The following COLQ variants were observed in gnomAD, a reference collection of about 807,000 sequenced individuals.
COLQ encodes collagen like tail subunit of asymmetric acetylcholinesterase.
In COLQ, 48 loss-of-function variants were observed where a neutral mutation model predicts 69.0. That is an observed-to-expected ratio of 0.70 (90% CI 0.55 to 0.88). The LOEUF (loss-of-function observed/expected upper bound fraction) is 0.88, where lower values mean the gene tolerates loss of function less well. Ranked by LOEUF, COLQ falls within the 40% of genes least tolerant of loss-of-function variation. The pLI is 0.00. For synonymous variants in COLQ, 217 were observed against 211.2 expected (o/e 1.03, Z -0.24); for missense variants, 618 against 594.6 (o/e 1.04, Z -0.41).
intron 3 of COLQ, 128 bp from the exon 4 acceptor site, chr3:15,479,510 AC>A: frequency 1.1e-6 from 1 of 901,156 alleles, no homozygotes. Context: ...GGCTCCAGGG[AC>A]CCATGGAGGC....
chr3:15,487,095 A>G (rs752110107), intron 3 of COLQ, among the ~76,000 whole-genome samples: 1 of 152,246 alleles, frequency 6.6e-6, no homozygotes, highest in African/African-American at 2.4e-5. Context: ...AAACTGTAAC[A>G]GGATGAAAAA....
intron 1 of COLQ, among the ~76,000 whole-genome samples, chr3:15,518,445 G>A (rs146906329): frequency 6.6e-6 from 1 of 152,286 alleles, no homozygotes; most frequent in Non-Finnish European, 1.5e-5. Flanking sequence ...GAGTTAATAG[G>A]CTTAGAATAA....
chr3:15,463,039 C>T (rs568202198), intron 12 of COLQ, among the ~76,000 whole-genome samples: 22 of 152,038 alleles, frequency 1.4e-4, no homozygotes, highest in Non-Finnish European at 1.2e-4. Context: ...TATGACTCTG[C>T]GGGGCCTGCT....
chr3:15,474,015 T>G lies in COLQ; in HGVS notation c.621A>C (p.Gly207=), dbSNP rs138830715. The G allele has an allele frequency of 2.0e-5, 32 of 1,614,002 alleles. No homozygotes were observed. The African/African-American group carries it at 3.1e-4, about 15-fold the overall frequency. The change falls in exon 10 of 17, where the codon GGA becomes GGC. Residue 207 remains glycine (G), a synonymous_variant. Transcript: ENST00000383788. The part of the protein sequence containing the change: ...KGEKGFPGFP[G]MLGQKGEMGP... ...GGTTACTTACTTTCTGCCCCAACAT[T>G]CCAGGAAATCCTGGGAAACCCTGTG...
chr3:15,470,742 G>A (rs2062269760), intron 10 of COLQ, 126 bp from the exon 11 acceptor site: 2 of 881,934 alleles, frequency 2.3e-6, no homozygotes, highest in Non-Finnish European at 1.9e-6. Flanking sequence ...ATGCCAACTG[G>A]GCTGCCCTGC....
chr3:15,480,345 C>T (rs1170556565), intron 3 of COLQ, among the ~76,000 whole-genome samples: 6 of 151,734 alleles, frequency 4.0e-5, no homozygotes, highest in African/African-American at 7.3e-5. Context: ...CCCCACCCCA[C>T]GACAGGCCCT....
chr3:15,461,819 G>A (rs1242424341), intron 12 of COLQ, among the ~76,000 whole-genome samples: 1 of 151,870 alleles, frequency 6.6e-6, no homozygotes, highest in Admixed American at 6.6e-5. Flanking sequence ...CTGGGACAGG[G>A]GTTCTGGAAC....
chr3:15,491,094 A>G (rs1012575809), intron 1 of COLQ, among the ~76,000 whole-genome samples: 5 of 152,204 alleles, frequency 3.3e-5, no homozygotes, highest in African/African-American at 1.2e-4. Flanking sequence ...CAAATTTTTC[A>G]AGATAAACGT....
intron 3 of COLQ, among the ~76,000 whole-genome samples, chr3:15,484,875 G>A (rs571946091): frequency 2.0e-4 from 30 of 152,242 alleles, no homozygotes; most frequent in African/African-American, 6.0e-4. Context: ...ATTACCGATC[G>A]TCTGAAGCCT....
intron 1 of COLQ, among the ~76,000 whole-genome samples, chr3:15,503,055 TAGG>T (rs2062854601): frequency 6.6e-6 from 1 of 152,194 alleles, no homozygotes; most frequent in African/African-American, 2.4e-5. Context: ...CACACAGCCC[TAGG>T]AGGAGGTGAC....
chr3:15,503,084 G>A (rs1179976486), intron 1 of COLQ, among the ~76,000 whole-genome samples: 1 of 152,184 alleles, frequency 6.6e-6, no homozygotes, highest in Admixed American at 6.5e-5. Flanking sequence ...GTGGTCATCT[G>A]ACGCTGACCC....
chr3:15,487,414 G>T (rs1336641066), intron 3 of COLQ, among the ~76,000 whole-genome samples: 1 of 152,220 alleles, frequency 6.6e-6, no homozygotes, highest in Non-Finnish European at 1.5e-5. Context: ...GGTGATGTAG[G>T]AGATACAGGC....
chr3:15,513,508 C>A (rs777042667), intron 1 of COLQ, among the ~76,000 whole-genome samples: 28 of 152,302 alleles, frequency 1.8e-4, no homozygotes, highest in Admixed American at 1.0e-3. Flanking sequence ...ATCCCAGTCC[C>A]CTGCCTGTCT....
rs73818509 is a variant in COLQ, at chr3:15,455,818, C to A, written c.1195+81G>T. ...GCTCTAGAAAGGTCCCAAAGCACCACAGCTGGTGTCCAGGGCTGGCCCTGA... is the reference window on the plus strand; with the variant it reads ...GCTCTAGAAAGGTCCCAAAGCACCAAAGCTGGTGTCCAGGGCTGGCCCTGA... On this transcript the variant is annotated intron_variant, in intron 15 of 16. Coordinates refer to ENST00000383788, the MANE Select transcript of COLQ (RefSeq NM_005677.4). The A allele has an allele frequency of 4.7e-3, 7,470 of 1,588,834 alleles. 225 individuals are homozygous for A. The African/African-American group carries it at 0.074, about 16-fold the overall frequency.
At chr3:15,460,438 C>T (rs1424542755) in intron 12 of COLQ, among the ~76,000 whole-genome samples, 4 of 152,148 alleles carry the variant, frequency 2.6e-5, no homozygotes, top group East Asian at 3.9e-4. Flanking sequence ...GGGAAAATAG[C>T]GAGGGGTGGG....
At position 15,474,839 on chromosome 3, in the gene COLQ, A is replaced by T. The variant is rs147078621; in HGVS notation, c.555+86T>A. 5.1e-5 allele frequency: 75 copies of T among 1,479,408 alleles called. No individual in the cohort carries two copies. In the African/African-American group the frequency reaches 9.1e-4, roughly 18 times the overall value. The allele number at this position is 1,479,408 out of a possible 1,614,324, so 91.6% of individuals were successfully genotyped here. A position where few individuals can be genotyped will look rare whatever the true frequency, so the allele number is the denominator to read the frequency against. On this transcript the variant is annotated intron_variant, in intron 8 of 16. Coordinates refer to ENST00000383788, the MANE Select transcript of COLQ (RefSeq NM_005677.4). ...GGCTTCAGTTGCAGACTAAAGAGAG[A>T]CCTGGACCCATTCTCTGCATGTCTC... is the stretch of plus-strand genomic sequence containing the variant.
chr3:15,501,485 G>A (rs2062830219), intron 1 of COLQ, among the ~76,000 whole-genome samples: 1 of 152,204 alleles, frequency 6.6e-6, no homozygotes, highest in Admixed American at 6.5e-5. Context: ...CAGTGCCAAG[G>A]CTCCCACCAG....
intron 11 of COLQ, 124 bp downstream of exon 11, chr3:15,470,412 C>G: frequency 1.1e-6 from 1 of 880,456 alleles, no homozygotes; most frequent in South Asian, 1.3e-5. Flanking sequence ...GTCTGCTAGC[C>G]CAGAGGATGC....
chr3:15,461,191 C>T (rs898405096), intron 12 of COLQ, among the ~76,000 whole-genome samples: 3 of 138,214 alleles, frequency 2.2e-5, no homozygotes, highest in Admixed American at 1.4e-4. Context: ...GCCTTTATTC[C>T]CCCCCCGACC....
Sources: gnomAD v4.1 joint callset for allele counts (sites outside exome capture counted in the v4.1 genomes callset) on GRCh38, gnomAD v4.1.1 for gene constraint, MANE v1.5 for transcripts, NCBI Gene and HGNC (gene_info 2026-07-23, HGNC 2026-07-21) for gene names.